Variants in MICU1 observed in about 807,000 individuals in gnomAD.
MICU1 encodes calcium uptake protein 1, mitochondrial.
A neutral mutation model predicts 56.8 loss-of-function variants in MICU1; 45 were observed. That is an observed-to-expected ratio of 0.79 (90% CI 0.62 to 1.02). The LOEUF is 1.02. Ranked by LOEUF, MICU1 falls within the 50% of genes least tolerant of loss-of-function variation. The probability of loss-of-function intolerance (pLI) is 0.00; values close to 1 mark genes in which losing one functional copy is unlikely to be tolerated. For missense variants in MICU1, 504 were observed against 587.1 expected, an observed-to-expected ratio of 0.86 and a Z score of 1.46; for synonymous variants, 186 against 195.1, an observed-to-expected ratio of 0.95 and a Z score of 0.39.
At chr10:72,461,682 G>C (rs1381966571) in intron 8 of MICU1, among the ~76,000 whole-genome samples, 2 of 152,192 alleles carry the variant, frequency 1.3e-5, no homozygotes, top group African/African-American at 4.8e-5. Context: ...GGGCACAGTG[G>C]CTCATGCCTG....
rs1231227018 is a variant in MICU1, at chr10:72,569,233, A to ATTTTTTTTTTT, written c.-1-2440_-1-2439insAAAAAAAAAAA. Among the ~76,000 whole-genome samples, 79 of 40,324 alleles carry ATTTTTTTTTTT rather than the reference A, an allele frequency of 2.0e-3. 2 individuals are homozygous for ATTTTTTTTTTT. The highest frequency in any genetic ancestry group is 2.8e-3 in the Non-Finnish European group (54 of 19,578). 26.5% of individuals were successfully genotyped at this position (40,324 alleles called of 152,430 possible). ...TATATATATATATATATATATATAT[A>ATTTTTTTTTTT]TATATTTTTTTTTTTTTTTGAGATG... On this transcript the variant is annotated intron_variant, in intron 1 of 11. Coordinates refer to ENST00000361114, the MANE Select transcript of MICU1 (RefSeq NM_001195518.2).
intron 3 of MICU1, among the ~76,000 whole-genome samples, chr10:72,561,423 A>G (rs749086161): frequency 6.6e-6 from 1 of 152,240 alleles, no homozygotes; most frequent in Non-Finnish European, 1.5e-5. Flanking sequence ...CCTGACAGAA[A>G]AACAAGGACA....
intron 4 of MICU1, among the ~76,000 whole-genome samples, chr10:72,540,846 G>A (rs902896371): frequency 6.6e-6 from 1 of 152,186 alleles, no homozygotes; most frequent in East Asian, 1.9e-4. Context: ...GGACTTCTGA[G>A]GTTGGCTTTC....
intron 1 of MICU1, among the ~76,000 whole-genome samples, chr10:72,579,623 A>G (rs1449692288): frequency 2.0e-5 from 3 of 151,116 alleles, no homozygotes; most frequent in African/African-American, 7.4e-5. Flanking sequence ...CATTAAGTAC[A>G]TATGTGTGAA....
At chr10:72,491,544 C>A (rs527421470) in intron 6 of MICU1, among the ~76,000 whole-genome samples, 1 of 152,172 alleles carries the variant, frequency 6.6e-6, no homozygotes, top group South Asian at 2.1e-4. Context: ...TGTCTAGGGG[C>A]CTTAGAGAGT....
intron 5 of MICU1, among the ~76,000 whole-genome samples, chr10:72,527,309 C>T (rs1867991598): frequency 6.6e-6 from 1 of 151,946 alleles, no homozygotes; most frequent in Admixed American, 6.6e-5. Flanking sequence ...ATTTGGAATC[C>T]TAGCTATATG....
At chr10:72,568,469 G>A (rs1840501487) in intron 1 of MICU1, among the ~76,000 whole-genome samples, 2 of 152,096 alleles carry the variant, frequency 1.3e-5, no homozygotes, top group Non-Finnish European at 2.9e-5. Flanking sequence ...TTTAGGAGGT[G>A]CTGCTGTTAG....
intron 5 of MICU1, among the ~76,000 whole-genome samples, chr10:72,531,186 T>TA (rs1005448213): frequency 5.3e-5 from 8 of 151,426 alleles, no homozygotes; most frequent in South Asian, 2.1e-4. Context: ...TCTTCCAAAT[T>TA]AAAAAAAACA....
chr10:72,434,413 T>TC (rs2132165091), intron 8 of MICU1, among the ~76,000 whole-genome samples: 1 of 152,192 alleles, frequency 6.6e-6, no homozygotes, highest in Admixed American at 6.5e-5. Flanking sequence ...TCTATGCAGT[T>TC]CATGTTTCCA....
chr10:72,475,711 G>A (rs988467988), intron 7 of MICU1: 6 of 369,204 alleles, frequency 1.6e-5, no homozygotes, highest in African/African-American at 8.6e-5. Flanking sequence ...TTGCAGGAGT[G>A]AGCCACCGCG....
chr10:72,532,408 C>A (rs1442047338), intron 5 of MICU1, among the ~76,000 whole-genome samples: 2 of 152,102 alleles, frequency 1.3e-5, no homozygotes, highest in Non-Finnish European at 2.9e-5. Flanking sequence ...ATGTGATTGA[C>A]TACTGTAGTT....
intron 6 of MICU1, among the ~76,000 whole-genome samples, chr10:72,506,758 C>T (rs1867265410): frequency 6.6e-6 from 1 of 152,256 alleles, no homozygotes; most frequent in Non-Finnish European, 1.5e-5. Flanking sequence ...TATTGTCTTC[C>T]CCCAAATCAC....
At chr10:72,495,615 A>C (rs1866810954) in intron 6 of MICU1, among the ~76,000 whole-genome samples, 1 of 147,090 alleles carries the variant, frequency 6.8e-6, no homozygotes, top group Non-Finnish European at 1.5e-5. Context: ...AGATTGTACC[A>C]TTGTACTCCA....
intron 2 of MICU1, among the ~76,000 whole-genome samples, chr10:72,564,544 G>GAAAAAAAA (rs11465166): frequency 6.5e-5 from 7 of 107,350 alleles, no homozygotes; most frequent in Non-Finnish European, 1.1e-4. Context: ...ATCTCAAAAA[G>GAAAAAAAA]AAAAAAAAAA....
intron 9 of MICU1, among the ~76,000 whole-genome samples, chr10:72,419,277 A>C (rs996129239): frequency 3.3e-5 from 5 of 152,274 alleles, no homozygotes; most frequent in Non-Finnish European, 5.9e-5. Context: ...ATACATTCGT[A>C]ATCAGTTTTT....
chr10:72,561,369 G>A (rs1219881598), intron 3 of MICU1, among the ~76,000 whole-genome samples: 1 of 152,224 alleles, frequency 6.6e-6, no homozygotes, highest in Non-Finnish European at 1.5e-5. Flanking sequence ...GTAAAGTTGT[G>A]CTTTCTTTGA....
At chr10:72,480,504 A>G (rs1866259618) in intron 6 of MICU1, among the ~76,000 whole-genome samples, 1 of 152,250 alleles carries the variant, frequency 6.6e-6, no homozygotes, top group Non-Finnish European at 1.5e-5. Context: ...TGCCCATGCA[A>G]AACTGAGGAG....
chr10:72,435,179 CAGG>C lies in MICU1; in HGVS notation c.934-11811_934-11809del, dbSNP rs377377752. Reference sequence around the variant, plus strand: ...GGAAGGTGGGAGTACTGCTTGAGGCCAGGAGTTCGAGAGCAGCCTGGGCAGCAC... The same window carrying C: ...GGAAGGTGGGAGTACTGCTTGAGGCCAGTTCGAGAGCAGCCTGGGCAGCAC... On this transcript the variant is annotated intron_variant, in intron 8 of 11. Coordinates refer to ENST00000361114, the MANE Select transcript of MICU1 (RefSeq NM_001195518.2). 5.3e-5 allele frequency among the ~76,000 whole-genome samples: 8 copies of C among 151,824 alleles called. No individual in the cohort carries two copies. In the South Asian group the frequency reaches 1.5e-3, roughly 28 times the overall value.
At chr10:72,474,469 G>A (rs746887329) in intron 8 of MICU1, among the ~76,000 whole-genome samples, 2 of 152,044 alleles carry the variant, frequency 1.3e-5, no homozygotes, top group South Asian at 4.1e-4. Context: ...AAATGGAAAA[G>A]TAAACTTGTA....
Sources: allele counts gnomAD v4.1 joint callset (sites outside exome capture counted in the v4.1 genomes callset), GRCh38; gene constraint gnomAD v4.1.1; transcripts MANE v1.5; gene names NCBI Gene and HGNC (gene_info 2026-07-23, HGNC 2026-07-21).